SCHIP1: variants seen among roughly 807,000 people sequenced by gnomAD.
The protein encoded by SCHIP1 is schwannomin-interacting protein 1.
SCHIP1 carries 8 observed loss-of-function variants against 29.7 expected under a neutral mutation model. The ratio of observed to expected loss-of-function variants is 0.27; its 90% CI spans 0.16 to 0.49. SCHIP1 has a LOEUF of 0.49. Ranked by LOEUF, SCHIP1 falls within the 20% of genes least tolerant of loss-of-function variation. The probability of loss-of-function intolerance (pLI) is 0.99; values close to 1 mark genes in which losing one functional copy is unlikely to be tolerated. For missense variants in SCHIP1, 193 were observed against 294.6 expected, an observed-to-expected ratio of 0.66 and a Z score of 2.52; for synonymous variants, 76 against 94.9, an observed-to-expected ratio of 0.80 and a Z score of 1.16.
At chr3:159,857,904 G>A (rs1409675709) in intron 1 of SCHIP1, among the ~76,000 whole-genome samples, 1 of 152,162 alleles carries the variant, frequency 6.6e-6, no homozygotes. Flanking sequence ...TAATGTCAGA[G>A]TCAACATGTT....
chr3:159,484,193 G>A, the SCHIP1 span, among the ~76,000 whole-genome samples: 38 of 152,306 alleles, frequency 2.5e-4, no homozygotes, highest in African/African-American at 8.7e-4. Flanking sequence ...TTACATGGTA[G>A]CTGGTAAACC....
the SCHIP1 span, among the ~76,000 whole-genome samples, chr3:159,472,671 A>C: frequency 6.6e-6 from 1 of 152,178 alleles, no homozygotes; most frequent in African/African-American, 2.4e-5. Flanking sequence ...CGGAGGGATA[A>C]AAAGTATGAA....
At chr3:159,796,213 T>G in the SCHIP1 span, among the ~76,000 whole-genome samples, 1 of 152,098 alleles carries the variant, frequency 6.6e-6, no homozygotes, top group Admixed American at 6.5e-5. Context: ...GTGGTGAGAA[T>G]GCATTCTAGT....
intron 1 of SCHIP1, among the ~76,000 whole-genome samples, chr3:159,858,892 G>A (rs377558209): frequency 5.9e-5 from 9 of 152,226 alleles, no homozygotes; most frequent in South Asian, 2.1e-4. Flanking sequence ...AGGTTGGTAC[G>A]AGGATGCAAA....
the SCHIP1 span, among the ~76,000 whole-genome samples, chr3:159,696,476 C>T: frequency 1.3e-3 from 191 of 152,312 alleles, no homozygotes; most frequent in African/African-American, 4.5e-3. Flanking sequence ...CCAACTTAGG[C>T]GCCCTTCATT....
chr3:159,859,951 A>G (rs1236306339), intron 1 of SCHIP1, among the ~76,000 whole-genome samples: 2 of 151,616 alleles, frequency 1.3e-5, no homozygotes, highest in Non-Finnish European at 2.9e-5. Context: ...TTTGAGTGCT[A>G]TTGGCTTAAA....
chr3:159,534,415 T>C, the SCHIP1 span, among the ~76,000 whole-genome samples: 366 of 152,270 alleles, frequency 2.4e-3, 1 homozygote, highest in Non-Finnish European at 4.4e-3. Context: ...AATAGAGTTT[T>C]GACTCAATAG....
intron 4 of SCHIP1, 153 bp downstream of exon 5, chr3:159,888,058 TTTCC>T: frequency 9.0e-7 from 1 of 1,117,248 alleles, no homozygotes; most frequent in Non-Finnish European, 1.3e-6. Flanking sequence ...TTTGTTTCTT[TTTCC>T]TTCCTACTGT....
the SCHIP1 span, among the ~76,000 whole-genome samples, chr3:159,775,694 C>T: frequency 4.6e-5 from 7 of 152,218 alleles, no homozygotes; most frequent in African/African-American, 1.4e-4. Context: ...CCAGCTGTGC[C>T]AGTGTTGGCC....
the SCHIP1 span, among the ~76,000 whole-genome samples, chr3:159,517,436 T>TG: frequency 6.6e-6 from 1 of 152,060 alleles, no homozygotes; most frequent in Non-Finnish European, 1.5e-5. Flanking sequence ...CAAAATAAGG[T>TG]GATATTTGGA....
chr3:159,423,289 G>C, the SCHIP1 span, among the ~76,000 whole-genome samples: 1 of 152,224 alleles, frequency 6.6e-6, no homozygotes, highest in Non-Finnish European at 1.5e-5. Context: ...GGGTCAAGGA[G>C]TTCCCTTTCC....
the SCHIP1 span, among the ~76,000 whole-genome samples, chr3:159,680,670 T>TTATATATATATTATATATATATATAA: frequency 4.9e-4 from 4 of 8,198 alleles, no homozygotes; most frequent in African/African-American, 1.6e-3. Context: ...AAAATATATA[T>TTATATATATATTATATATATATATAA]TATATATATA....
At chr3:159,274,174 G>A in the SCHIP1 span, 1 of 985,184 alleles carries the variant, frequency 1.0e-6, no homozygotes, top group Non-Finnish European at 1.2e-6. Context: ...GTGGACTTTG[G>A]AAATAGCATT....
chr3:159,811,797 T>G, the SCHIP1 span, among the ~76,000 whole-genome samples: 1 of 152,186 alleles, frequency 6.6e-6, no homozygotes, highest in Non-Finnish European at 1.5e-5. Context: ...CATTTTAGGA[T>G]CAGCTTGTCA....
At chr3:159,325,692 A>T in the SCHIP1 span, among the ~76,000 whole-genome samples, 1 of 151,814 alleles carries the variant, frequency 6.6e-6, no homozygotes, top group Non-Finnish European at 1.5e-5. Context: ...CTTTTTTTTA[A>T]TTGTCAATTT....
the SCHIP1 span, among the ~76,000 whole-genome samples, chr3:159,677,806 T>A: frequency 1.3e-5 from 2 of 152,158 alleles, no homozygotes; most frequent in African/African-American, 4.8e-5. Flanking sequence ...ACACAGAGAA[T>A]TCTCACTATG....
the SCHIP1 span, among the ~76,000 whole-genome samples, chr3:159,552,905 TATA>T: frequency 3.4e-3 from 522 of 152,314 alleles, 2 homozygotes; most frequent in African/African-American, 0.011. Flanking sequence ...CAGCCATGCC[TATA>T]ATGTTGCTGA....
the SCHIP1 span, among the ~76,000 whole-genome samples, chr3:159,654,936 C>T: frequency 1.3e-5 from 2 of 152,012 alleles, no homozygotes; most frequent in Non-Finnish European, 2.9e-5. Flanking sequence ...GACTGGCTAC[C>T]CTGAGGCCCT....
chr3:159,399,077 C>A, the SCHIP1 span: 1 of 293,802 alleles, frequency 3.4e-6, no homozygotes, highest in Non-Finnish European at 5.1e-6. Context: ...GGTGAGTCTC[C>A]AAAACACCAG....
Sources: allele counts gnomAD v4.1 joint callset (sites outside exome capture counted in the v4.1 genomes callset), GRCh38; gene constraint gnomAD v4.1.1; transcripts MANE v1.5; gene names NCBI Gene and HGNC (gene_info 2026-07-23, HGNC 2026-07-21).